The following CTNNA2 variants were observed in gnomAD, a reference collection of about 807,000 sequenced individuals.
CTNNA2 encodes catenin alpha-2.
CTNNA2 carries 42 observed loss-of-function variants against 101.0 expected under a neutral mutation model. The observed-to-expected ratio is 0.42, with a 90% confidence interval of 0.32 to 0.54. CTNNA2 has a LOEUF of 0.54. Among genes scored for constraint, CTNNA2 ranks in the 20% least tolerant of loss-of-function variants. CTNNA2 has a pLI of 0.14. For missense variants in CTNNA2, 871 were observed against 1,223.1 expected (o/e 0.71, Z 4.29); for synonymous variants, 450 against 456.4 (o/e 0.99, Z 0.18).
intron 3 of CTNNA2, among the ~76,000 whole-genome samples, chr2:79,769,802 A>G (rs546958688): frequency 6.6e-6 from 1 of 152,304 alleles, no homozygotes; most frequent in African/African-American, 2.4e-5. Context: ...GATTATTATT[A>G]CGTTTGTTAT....
chr2:79,588,475 T>C (rs1199997833), intron 1 of CTNNA2, among the ~76,000 whole-genome samples: 1 of 152,238 alleles, frequency 6.6e-6, no homozygotes, highest in African/African-American at 2.4e-5. Flanking sequence ...TGTACTAGTA[T>C]CATGAAAATA....
chr2:79,731,980 T>G (rs1211643647), intron 2 of CTNNA2, among the ~76,000 whole-genome samples: 1 of 151,932 alleles, frequency 6.6e-6, no homozygotes, highest in Non-Finnish European at 1.5e-5. Context: ...AGTCCTCAAG[T>G]AACATTAAAA....
chr2:79,400,636 G>C lies in CTNNA2; in HGVS notation c.-135+26623G>C, dbSNP rs12463878. ...AAAATATAAGAAAAATAAATAAGTAGAGCTTCAGAAATCTGTAGAACCTCA... is the reference window on the plus strand; with the variant it reads ...AAAATATAAGAAAAATAAATAAGTACAGCTTCAGAAATCTGTAGAACCTCA... On this transcript the variant is annotated intron_variant, in intron 4 of 21. Coordinates refer to the CTNNA2 transcript ENST00000466387. Among the ~76,000 whole-genome samples the C allele has an allele frequency of 4.5e-3, 677 of 151,932 alleles. 12 individuals carry two copies. The highest frequency in any genetic ancestry group is 0.038 in the Admixed American group (580 of 15,218).
At chr2:79,597,012 T>G (rs1162372771) in intron 1 of CTNNA2, among the ~76,000 whole-genome samples, 1 of 152,204 alleles carries the variant, frequency 6.6e-6, no homozygotes, top group Non-Finnish European at 1.5e-5. Context: ...CCACCTTGCA[T>G]AGAGCTGCAC....
At chr2:80,223,536 A>G (rs1708697216) in intron 7 of CTNNA2, among the ~76,000 whole-genome samples, 1 of 152,168 alleles carries the variant, frequency 6.6e-6, no homozygotes, top group South Asian at 2.1e-4. Flanking sequence ...GGCCTCCCAA[A>G]GTGCTGGGAT....
At chr2:79,738,470 TTAGTTAAAGGGGTGATGG>T (rs1293232044) in intron 2 of CTNNA2, among the ~76,000 whole-genome samples, 2 of 152,058 alleles carry the variant, frequency 1.3e-5, no homozygotes, top group African/African-American at 4.8e-5. Flanking sequence ...GATTAGGAAA[TTAGTTAAAGGGGTGATGG>T]TAGTAGCAGG....
At chr2:80,147,413 G>A (rs775493599) in intron 7 of CTNNA2, among the ~76,000 whole-genome samples, 1 of 152,118 alleles carries the variant, frequency 6.6e-6, no homozygotes, top group African/African-American at 2.4e-5. Flanking sequence ...TAATCAGTGT[G>A]CAGTAAAGAC....
chr2:79,497,046 T>A (rs1410171110), intron 4 of CTNNA2, among the ~76,000 whole-genome samples: 2 of 152,192 alleles, frequency 1.3e-5, no homozygotes, highest in East Asian at 3.9e-4. Context: ...GCCTACACAG[T>A]GTTCAAAATT....
chr2:80,201,367 C>CTTTTTTTTTT (rs60448795), intron 7 of CTNNA2, among the ~76,000 whole-genome samples: 649 of 80,672 alleles, frequency 8.0e-3, no homozygotes, highest in Middle Eastern at 0.01. Context: ...CTTTTTCTTT[C>CTTTTTTTTTT]TTTTTTTTTT....
At chr2:80,461,957 C>T (rs1171744982) in intron 9 of CTNNA2, among the ~76,000 whole-genome samples, 1 of 152,158 alleles carries the variant, frequency 6.6e-6, no homozygotes, top group African/African-American at 2.4e-5. Flanking sequence ...GTGCTCAGCC[C>T]CCTGGGGATC....
chr2:79,955,957 A>G (rs1293066692), intron 7 of CTNNA2, among the ~76,000 whole-genome samples: 1 of 152,246 alleles, frequency 6.6e-6, no homozygotes, highest in Admixed American at 6.5e-5. Context: ...GGTTTCTGAT[A>G]AGAAGTAAAA....
chr2:79,982,216 ATATATATATATATATATATATATATG>A (rs1558697326), intron 7 of CTNNA2, among the ~76,000 whole-genome samples: 3 of 39,728 alleles, frequency 7.6e-5, no homozygotes, highest in Non-Finnish European at 2.2e-4. Context: ...ATATATATAT[ATATATATATATATATATATATATATG>A]TATGTATATG....
chr2:79,814,424 A>G (rs1459945972), intron 3 of CTNNA2, among the ~76,000 whole-genome samples: 2 of 152,060 alleles, frequency 1.3e-5, no homozygotes, highest in African/African-American at 2.4e-5. Context: ...CCCAAAGTCC[A>G]TTGTATGCCT....
chr2:80,208,956 C>G (rs1707712085), intron 7 of CTNNA2, among the ~76,000 whole-genome samples: 1 of 152,036 alleles, frequency 6.6e-6, no homozygotes, highest in Admixed American at 6.5e-5. Flanking sequence ...GGTGTGAATT[C>G]CTGATTAAGG....
intron 7 of CTNNA2, among the ~76,000 whole-genome samples, chr2:79,931,366 C>T (rs1450629685): frequency 6.6e-6 from 1 of 152,108 alleles, no homozygotes; most frequent in African/African-American, 2.4e-5. Context: ...TATACCCACT[C>T]CCCTTTACCC....
intron 4 of CTNNA2, among the ~76,000 whole-genome samples, chr2:79,402,488 A>G (rs1256265864): frequency 6.6e-6 from 1 of 151,838 alleles, no homozygotes; most frequent in Non-Finnish European, 1.5e-5. Flanking sequence ...ATGAAGTTTA[A>G]TTTATAAATT....
At chr2:80,283,203 A>T (rs1674519549) in intron 7 of CTNNA2, among the ~76,000 whole-genome samples, 1 of 152,100 alleles carries the variant, frequency 6.6e-6, no homozygotes, top group South Asian at 2.1e-4. Flanking sequence ...CACTTAAAAG[A>T]CATTATCAAC....
intron 7 of CTNNA2, among the ~76,000 whole-genome samples, chr2:79,974,221 G>A (rs1015404135): frequency 6.6e-6 from 1 of 152,052 alleles, no homozygotes; most frequent in Non-Finnish European, 1.5e-5. Context: ...CTGTAAAATG[G>A]GGATAATAAT....
intron 2 of CTNNA2, among the ~76,000 whole-genome samples, chr2:79,288,511 A>G (rs559708471): frequency 1.3e-5 from 2 of 152,306 alleles, no homozygotes; most frequent in African/African-American, 4.8e-5. Flanking sequence ...TGGACATCCA[A>G]GTAGTTTCTA....
Sources: allele counts gnomAD v4.1 joint callset (sites outside exome capture counted in the v4.1 genomes callset), GRCh38; gene constraint gnomAD v4.1.1; transcripts MANE v1.5; gene names NCBI Gene and HGNC (gene_info 2026-07-23, HGNC 2026-07-21).